AFF3: variants seen among roughly 807,000 people sequenced by gnomAD.
AFF3 encodes the protein AF4/FMR2 family member 3.
In AFF3, 32 loss-of-function variants were observed where a neutral mutation model predicts 129.7. The observed-to-expected ratio is 0.25, with a 90% confidence interval of 0.19 to 0.33. AFF3 has a LOEUF of 0.33. AFF3 is among the 10% of genes least tolerant of loss of function. The probability of loss-of-function intolerance (pLI) is 1.00; values close to 1 mark genes in which losing one functional copy is unlikely to be tolerated. For synonymous variants in AFF3, 644 were observed against 635.4 expected, an observed-to-expected ratio of 1.01 and a Z score of -0.20; for missense variants, 1,373 against 1,592.0, an observed-to-expected ratio of 0.86 and a Z score of 2.34.
intron 8 of AFF3, among the ~76,000 whole-genome samples, chr2:99,827,957 C>T (rs965952880): frequency 2.6e-5 from 4 of 151,980 alleles, no homozygotes; most frequent in Non-Finnish European, 4.4e-5. Context: ...GAAGCGTCTG[C>T]GGAGGGTGAC....
At chr2:99,875,440 C>A (rs1692212601) in intron 7 of AFF3, among the ~76,000 whole-genome samples, 1 of 152,186 alleles carries the variant, frequency 6.6e-6, no homozygotes, top group Non-Finnish European at 1.5e-5. Context: ...TACCACTGCC[C>A]AAAATTGCTT....
intron 8 of AFF3, among the ~76,000 whole-genome samples, chr2:99,782,044 CCA>C (rs1243016495): frequency 6.6e-6 from 1 of 152,094 alleles, no homozygotes; most frequent in African/African-American, 2.4e-5. Flanking sequence ...ATAAATGAAC[CCA>C]CACACACTAA....
rs1559051190 is a variant in AFF3 at position 100,007,173 on chromosome 2, T to C, written c.462A>G (p.Pro154=). ...GTMGWQKAGH[P]PSDGQQRATQ... ...TTGCTCTCTGTTGGCCGTCAGAGGG[T>C]GGGTGCCCAGCCTTCTGCCAGCCCA... Residue 154 remains proline (P), a synonymous_variant, in exon 6 of 25, where the codon CCA becomes CCG. Transcript: ENST00000672756. 6.2e-7 allele frequency: 1 copy of C among 1,614,122 alleles called. No individual in the cohort carries two copies. The highest frequency in any genetic ancestry group is 8.5e-7 in the Non-Finnish European group (1 of 1,180,018).
chr2:99,647,534 G>A (rs1330213694), intron 13 of AFF3, among the ~76,000 whole-genome samples: 1 of 152,112 alleles, frequency 6.6e-6, no homozygotes, highest in Non-Finnish European at 1.5e-5. Flanking sequence ...ATAGATGCTG[G>A]GCTTAATACC....
intron 7 of AFF3, among the ~76,000 whole-genome samples, chr2:99,948,833 C>G (rs985010479): frequency 1.3e-5 from 2 of 152,126 alleles, no homozygotes; most frequent in African/African-American, 4.8e-5. Context: ...GAGCTCACAA[C>G]AAGATCCAAT....
At position 99,619,864 on chromosome 2, in the gene AFF3, C is replaced by T. The variant is rs545800615; in HGVS notation, c.1185-18243G>A. Among the ~76,000 whole-genome samples, 6 of 152,274 alleles carry T rather than the reference C, an allele frequency of 3.9e-5. No homozygotes were observed. In the East Asian group the frequency reaches 1.2e-3, roughly 29 times the overall value. On this transcript the variant is annotated intron_variant, in intron 13 of 24. Coordinates refer to ENST00000672756, the MANE Select transcript of AFF3 (RefSeq NM_001386135.1). ...ATGTCACCACACGCCCATGACTAAG[C>T]CAGTTCCACAGCAAGGGTAATAAGG...
chr2:99,699,813 G>T (rs1676665374), intron 11 of AFF3, among the ~76,000 whole-genome samples: 1 of 152,182 alleles, frequency 6.6e-6, no homozygotes, highest in Non-Finnish European at 1.5e-5. Flanking sequence ...AACCATAATG[G>T]TTTCTGTGTA....
At chr2:100,015,391 G>C (rs1682926148) in intron 4 of AFF3, among the ~76,000 whole-genome samples, 1 of 152,086 alleles carries the variant, frequency 6.6e-6, no homozygotes, top group Admixed American at 6.5e-5. Flanking sequence ...ATGCTCCCTG[G>C]GCATGGACCT....
At chr2:99,874,522 T>C (rs1054284968) in intron 7 of AFF3, among the ~76,000 whole-genome samples, 1 of 152,226 alleles carries the variant, frequency 6.6e-6, no homozygotes, top group African/African-American at 2.4e-5. Context: ...TGTTTTTTCC[T>C]AATGATACTA....
At chr2:100,127,624 T>C (rs1304703800) in intron 2 of AFF3, among the ~76,000 whole-genome samples, 1 of 151,976 alleles carries the variant, frequency 6.6e-6, no homozygotes, top group Non-Finnish European at 1.5e-5. Flanking sequence ...CTGAGAAGAG[T>C]AGCCCAAGGA....
intron 3 of AFF3, chr2:100,105,295 A>T: frequency 8.5e-7 from 1 of 1,182,438 alleles, no homozygotes; most frequent in Non-Finnish European, 1.1e-6. Flanking sequence ...AGGCGCGGGG[A>T]GAGTGAGCTG....
chr2:100,020,489 C>T (rs1445975581), intron 4 of AFF3, among the ~76,000 whole-genome samples: 1 of 152,112 alleles, frequency 6.6e-6, no homozygotes, highest in African/African-American at 2.4e-5. Context: ...CCCTATGTGG[C>T]CTTCTCAAGT....
intron 7 of AFF3, among the ~76,000 whole-genome samples, chr2:99,880,880 T>A (rs1350449136): frequency 6.6e-6 from 1 of 152,168 alleles, no homozygotes; most frequent in Non-Finnish European, 1.5e-5. Flanking sequence ...TACTTATGCA[T>A]AAGGGCTGTA....
intron 7 of AFF3, among the ~76,000 whole-genome samples, chr2:99,942,967 C>A (rs917944809): frequency 2.0e-5 from 3 of 152,128 alleles, no homozygotes; most frequent in African/African-American, 7.2e-5. Flanking sequence ...AGCAGAAACC[C>A]CTCCTTTTCC....
intron 2 of AFF3, chr2:100,105,884 TC>T (rs1249263092): frequency 1.5e-6 from 2 of 1,332,388 alleles, no homozygotes; most frequent in Non-Finnish European, 9.9e-7. Context: ...AACCTCGCAC[TC>T]CCCGCCAAAA....
At chr2:99,663,648 A>G (rs1189146182) in intron 12 of AFF3, among the ~76,000 whole-genome samples, 1 of 152,230 alleles carries the variant, frequency 6.6e-6, no homozygotes, top group African/African-American at 2.4e-5. Context: ...GTAAAATTAA[A>G]ATAGTCAGTT....
chr2:99,780,534 C>T (rs1161317095), intron 8 of AFF3, among the ~76,000 whole-genome samples: 4 of 152,182 alleles, frequency 2.6e-5, no homozygotes, highest in African/African-American at 4.8e-5. Flanking sequence ...CTACACCTTT[C>T]GCCTGAATGC....
At position 99,946,566 on chromosome 2, in the gene AFF3, T is replaced by C. The variant is rs551829524; in HGVS notation, c.873+60066A>G. ...TGCCGGAGGGTTCAGGATACCCCAC[T>C]GTCTGCAGAATTTCCCCATACCCCC... On this transcript the variant is annotated intron_variant, in intron 7 of 24. Transcript: ENST00000672756. 3.4e-3 allele frequency among the ~76,000 whole-genome samples: 505 copies of C among 148,090 alleles called. 1 individual carries two copies. Among genetic ancestry groups the C allele is most frequent in the Non-Finnish European group, 4.8e-3 (325 of 67,302 alleles).
At chr2:99,942,588 T>G in intron 7 of AFF3, among the ~76,000 whole-genome samples, 1 of 150,278 alleles carries the variant, frequency 6.7e-6, no homozygotes, top group African/African-American at 2.4e-5. Context: ...TGTGAAGGGC[T>G]TGGGGAAGAA....
Sources: gnomAD v4.1 joint callset for allele counts (sites outside exome capture counted in the v4.1 genomes callset) on GRCh38, gnomAD v4.1.1 for gene constraint, MANE v1.5 for transcripts, NCBI Gene and HGNC (gene_info 2026-07-23, HGNC 2026-07-21) for gene names.